The following MED6 variants were observed in gnomAD, a reference collection of about 807,000 sequenced individuals.
MED6 encodes mediator complex subunit 6.
In MED6, 33 loss-of-function variants were observed where a neutral mutation model predicts 37.5. That is an observed-to-expected ratio of 0.88 (90% confidence interval 0.67 to 1.18). The LOEUF is 1.18. MED6 is among the 50% of genes most tolerant of loss of function. The pLI is 0.00. For synonymous variants in MED6, 94 were observed against 93.6 expected, an observed-to-expected ratio of 1.00 and a Z score of -0.02; for missense variants, 235 against 290.6, an observed-to-expected ratio of 0.81 and a Z score of 1.39.
intron 6 of MED6, among the ~76,000 whole-genome samples, chr14:70,588,411 C>T (rs1254842275): frequency 2.6e-5 from 4 of 151,980 alleles, no homozygotes; most frequent in African/African-American, 7.2e-5. Context: ...AGGGGCCGGG[C>T]GCGGTGGCTC....
At chr14:70,589,809 A>C (rs1057159707) in intron 6 of MED6, among the ~76,000 whole-genome samples, 7 of 152,198 alleles carry the variant, frequency 4.6e-5, no homozygotes, top group African/African-American at 1.7e-4. Flanking sequence ...ACACAGAGTA[A>C]ACCTTCAGAG....
Position 70,584,808 on chromosome 14 carries a change from A to G in MED6, c.*5T>C, listed in dbSNP as rs769935462. ...AGTCTTCCAGGCTTCTCTTTTGTCC[A>G]GTACTCACTGAAGTCTCATCCGTTT... On this transcript the variant is annotated 3_prime_UTR_variant, in exon 8 of 8. Coordinates refer to ENST00000256379, the MANE Select transcript of MED6 (RefSeq NM_005466.4). The G allele has an allele frequency of 8.7e-6, 14 of 1,613,464 alleles. No individual in the cohort carries two copies. In the Admixed American group the frequency reaches 2.3e-4, roughly 27 times the overall value.
chr14:70,587,022 C>T (rs980203183), intron 6 of MED6, among the ~76,000 whole-genome samples: 8 of 152,282 alleles, frequency 5.3e-5, no homozygotes, highest in African/African-American at 1.9e-4. Context: ...CTGCTTTCTT[C>T]AGAGGTTGTG....
At chr14:70,588,265 T>C (rs1051982772) in intron 6 of MED6, among the ~76,000 whole-genome samples, 2 of 152,196 alleles carry the variant, frequency 1.3e-5, no homozygotes, top group Non-Finnish European at 2.9e-5. Flanking sequence ...GAGTTGGTTT[T>C]TGGCCCTTGG....
Position 70,583,965 on chromosome 14 carries a change from T to G in MED6, c.*848A>C. On this transcript the variant is annotated 3_prime_UTR_variant, in exon 8 of 8. Transcript: ENST00000256379. ...TCCATAACTTTAAAAAAAATAAAATTCCTTTTCTTTATTGAAAAAAGAAGT... is the reference window on the plus strand; with the variant it reads ...TCCATAACTTTAAAAAAAATAAAATGCCTTTTCTTTATTGAAAAAAGAAGT... 1 of 437,544 alleles carries G rather than the reference T, an allele frequency of 2.3e-6. No homozygotes were observed. Among genetic ancestry groups the G allele is most frequent in the Non-Finnish European group, 4.0e-6 (1 of 248,844 alleles). The allele number at this position is 437,544 out of a possible 1,614,324, so 27.1% of individuals were successfully genotyped here.
intron 3 of MED6, chr14:70,595,063 G>C (rs1885001618): frequency 1.8e-6 from 1 of 551,732 alleles, no homozygotes; most frequent in Admixed American, 1.9e-5. Context: ...GTATGAGACA[G>C]AGCTGGCCAT....
At chr14:70,592,648 A>C (rs1281816862) in intron 5 of MED6, 6 of 351,196 alleles carry the variant, frequency 1.7e-5, no homozygotes, top group Non-Finnish European at 3.2e-5. Context: ...TAAAACCTTG[A>C]ATCACCTTAA....
chr14:70,591,195 C>G, intron 6 of MED6, 71 bp downstream of exon 6: 1 of 1,169,738 alleles, frequency 8.5e-7, no homozygotes, highest in Admixed American at 2.2e-5. Context: ...TGAAACAGTT[C>G]TCAATTAAAA....
chr14:70,589,344 T>G (rs947277131), intron 6 of MED6, among the ~76,000 whole-genome samples: 5 of 152,126 alleles, frequency 3.3e-5, no homozygotes, highest in African/African-American at 1.2e-4. Flanking sequence ...ACTTCACATG[T>G]GATTTCCTAA....
rs112683311 is a variant in MED6, at chr14:70,599,345, A to T, written c.22+1271T>A. 9.3e-3 allele frequency among the ~76,000 whole-genome samples: 1,418 copies of T among 152,352 alleles called. 13 individuals carry two copies. The highest frequency in any genetic ancestry group is 0.015 in the Non-Finnish European group (1,038 of 68,040). On this transcript the variant is annotated intron_variant, in intron 1 of 7. Coordinates refer to ENST00000256379, the MANE Select transcript of MED6 (RefSeq NM_005466.4). ...CATTTAGATAGTTCATCATAACTGG[A>T]TCATGCAATAACCAAATACACAACA...
chr14:70,585,934 T>C (rs912658163), intron 6 of MED6, 151 bp from the exon 7 acceptor site: 14 of 590,860 alleles, frequency 2.4e-5, no homozygotes, highest in African/African-American at 2.1e-4. Context: ...GAAAAGCTAC[T>C]ATGTATGTAC....
At chr14:70,596,868 G>A in intron 2 of MED6, 166 bp from the exon 3 acceptor site, 1 of 518,908 alleles carries the variant, frequency 1.9e-6, no homozygotes, top group Non-Finnish European at 3.4e-6. Context: ...TGTTTTCCCA[G>A]ACAGGTGGCA....
intron 1 of MED6, among the ~76,000 whole-genome samples, chr14:70,598,349 C>A (rs150192674): frequency 6.6e-6 from 1 of 151,924 alleles, no homozygotes; most frequent in Non-Finnish European, 1.5e-5. Context: ...GTGGTGGACA[C>A]CTGTAATCCT....
At chr14:70,595,254 A>G in intron 3 of MED6, 1 of 546,670 alleles carries the variant, frequency 1.8e-6, no homozygotes. Flanking sequence ...ATGAAGGTAG[A>G]TACCCCCAAA....
At chr14:70,595,723 T>A in intron 3 of MED6, 1 of 738,056 alleles carries the variant, frequency 1.4e-6, no homozygotes. Context: ...GGTGACGCCC[T>A]GGACAGCAGC....
At chr14:70,585,460 C>T (rs1884676148) in intron 7 of MED6, among the ~76,000 whole-genome samples, 1 of 152,162 alleles carries the variant, frequency 6.6e-6, no homozygotes, top group Non-Finnish European at 1.5e-5. Context: ...TAGAACAAGA[C>T]TGTTCAACCC....
rs772458208 is a variant in MED6 at position 70,584,951 on chromosome 14, T to C, written c.611-8A>G. The stretch of plus-strand genomic sequence containing the variant: ...CTTTCTTTGTTTGATCCACTAGATA[T>C]CAAAAGTAGATTTTTTGGGAGGGAG... On this transcript the variant is annotated splice_polypyrimidine_tract_variant and splice_region_variant and intron_variant, in intron 7 of 7. Coordinates refer to ENST00000256379, the MANE Select transcript of MED6 (RefSeq NM_005466.4). 3 of 1,611,092 alleles carry C rather than the reference T, an allele frequency of 1.9e-6. No individual in the cohort carries two copies. Among genetic ancestry groups the C allele is most frequent in the Non-Finnish European group, 2.5e-6 (3 of 1,179,190 alleles).
At chr14:70,597,519 T>C in intron 2 of MED6, 99 bp downstream of exon 2, 1 of 1,098,332 alleles carries the variant, frequency 9.1e-7, no homozygotes, top group South Asian at 3.1e-5. Flanking sequence ...GTTTTTCTTC[T>C]AAAAGTTCTA....
At position 70,584,998 on chromosome 14, in the gene MED6, T is replaced by C; in HGVS notation, c.611-55A>G. On this transcript the variant is annotated intron_variant, in intron 7 of 7. Coordinates refer to ENST00000256379, the MANE Select transcript of MED6 (RefSeq NM_005466.4). ...GGAGATATGGGTGGGGGGAATGAGA[T>C]AAATGGTTAATATGAATGGCTCACA... is the stretch of plus-strand genomic sequence containing the variant. The C allele has an allele frequency of 3.2e-6, 5 of 1,559,800 alleles. No homozygotes were observed. The South Asian group carries it at 4.7e-5, about 15-fold the overall frequency.
Sources: gnomAD v4.1 joint callset for allele counts (sites outside exome capture counted in the v4.1 genomes callset) on GRCh38, gnomAD v4.1.1 for gene constraint, MANE v1.5 for transcripts, NCBI Gene and HGNC (gene_info 2026-07-23, HGNC 2026-07-21) for gene names.